Variants in SDCCAG8 observed in about 807,000 individuals in gnomAD.
SDCCAG8 encodes SHH signaling and ciliogenesis regulator SDCCAG8, also known as serologically defined colon cancer antigen 8.
A neutral mutation model predicts 101.8 loss-of-function variants in SDCCAG8; 74 were observed. The observed-to-expected ratio is 0.73, with a 90% CI of 0.60 to 0.88. The LOEUF (loss-of-function observed/expected upper bound fraction) is 0.88. SDCCAG8 is among the 40% of genes least tolerant of loss of function. SDCCAG8 has a pLI of 0.00. For synonymous variants in SDCCAG8, 281 were observed against 292.9 expected, an observed-to-expected ratio of 0.96 and a Z score of 0.41; for missense variants, 787 against 822.6, an observed-to-expected ratio of 0.96 and a Z score of 0.53.
chr1:243,444,509 C>T (rs2148107750), intron 16 of SDCCAG8, among the ~76,000 whole-genome samples: 1 of 152,028 alleles, frequency 6.6e-6, no homozygotes, highest in South Asian at 2.1e-4. Context: ...GTAGCTGGGA[C>T]TACAGGCACA....
Position 243,415,684 on chromosome 1 carries a change from C to T in SDCCAG8, c.1617-18C>T. ...ATCTGCAGATTAAATTTCTGTATGT[C>T]TCCTCTCTGTTTTGCAGACAGGAAA... On this transcript the variant is annotated intron_variant, in intron 13 of 17. Coordinates refer to ENST00000366541, the MANE Select transcript of SDCCAG8 (RefSeq NM_006642.5). 6.2e-7 allele frequency: 1 copy of T among 1,613,604 alleles called. No homozygotes were observed. The highest frequency in any genetic ancestry group is 1.3e-5 in the African/African-American group (1 of 75,008).
In SDCCAG8 at chr1:243,381,359, CAG is replaced by C. The variant is rs1353363257; in HGVS notation, c.1616+2497_1616+2498del. The stretch of plus-strand genomic sequence containing the variant: ...ATTCCAACACTGTGGGAGGCCAAGA[CAG>C]GGGAATCACTTGAGGCTAAGAGTTC... On this transcript the variant is annotated intron_variant, in intron 13 of 17. Transcript: ENST00000366541. Among the ~76,000 whole-genome samples, 4 of 152,092 alleles carry C rather than the reference CAG, an allele frequency of 2.6e-5. No homozygotes were observed. In the South Asian group the frequency reaches 6.2e-4, roughly 24 times the overall value.
chr1:243,351,161 G>C (rs1573495326), intron 12 of SDCCAG8, among the ~76,000 whole-genome samples: 1 of 152,318 alleles, frequency 6.6e-6, no homozygotes, highest in East Asian at 1.9e-4. Context: ...ATGACTGGGA[G>C]AGGGGCCATT....
At chr1:243,482,919 G>A (rs1664036429) in intron 16 of SDCCAG8, among the ~76,000 whole-genome samples, 1 of 152,214 alleles carries the variant, frequency 6.6e-6, no homozygotes, top group East Asian at 1.9e-4. Flanking sequence ...GCCGCATGGA[G>A]GGCGTGTGTG....
intron 16 of SDCCAG8, among the ~76,000 whole-genome samples, chr1:243,456,024 G>T (rs1414279976): frequency 6.6e-6 from 1 of 152,202 alleles, no homozygotes; most frequent in Non-Finnish European, 1.5e-5. Flanking sequence ...GTTGGCGTGG[G>T]CTGATCGCTG....
intron 13 of SDCCAG8, among the ~76,000 whole-genome samples, chr1:243,388,910 G>A (rs923045535): frequency 1.4e-5 from 2 of 146,580 alleles, no homozygotes; most frequent in African/African-American, 5.1e-5. Context: ...GTGGTGGTGC[G>A]TGCCTGAGTC....
chr1:243,298,475 G>A (rs1196640098), intron 6 of SDCCAG8, among the ~76,000 whole-genome samples: 21 of 145,294 alleles, frequency 1.4e-4, no homozygotes, highest in Admixed American at 9.3e-4. Flanking sequence ...CTCCCACCAC[G>A]GCCAGCTAAC....
intron 16 of SDCCAG8, among the ~76,000 whole-genome samples, chr1:243,437,051 G>A (rs1221297202): frequency 6.6e-6 from 1 of 151,962 alleles, no homozygotes; most frequent in Non-Finnish European, 1.5e-5. Context: ...TCTCTCTTTG[G>A]TTTATCTTTT....
chr1:243,257,376 T>C (rs956441348), intron 1 of SDCCAG8, among the ~76,000 whole-genome samples: 5 of 152,090 alleles, frequency 3.3e-5, no homozygotes, highest in Non-Finnish European at 5.9e-5. Context: ...CAGTGCCTCC[T>C]ACTATGTGTT....
At chr1:243,318,220 G>A (rs758715674) in intron 9 of SDCCAG8, among the ~76,000 whole-genome samples, 14 of 152,282 alleles carry the variant, frequency 9.2e-5, no homozygotes, top group African/African-American at 2.2e-4. Flanking sequence ...GCATGGAGCC[G>A]GAGACAGTTA....
intron 6 of SDCCAG8, among the ~76,000 whole-genome samples, chr1:243,295,052 A>C (rs2070731451): frequency 6.6e-6 from 1 of 152,134 alleles, no homozygotes; most frequent in African/African-American, 2.4e-5. Context: ...CTTGGGAAAG[A>C]GTATCCTTCT....
intron 16 of SDCCAG8, chr1:243,476,274 A>C: frequency 2.0e-6 from 2 of 985,474 alleles, no homozygotes; most frequent in South Asian, 4.7e-5. Flanking sequence ...GCTAAATAAA[A>C]AGCTTTCAGC....
At chr1:243,258,109 T>A (rs116232091) in intron 1 of SDCCAG8, among the ~76,000 whole-genome samples, 5,391 of 152,236 alleles carry the variant, frequency 0.035, 230 homozygotes, top group Admixed American at 0.14. Flanking sequence ...GAAATAAAAT[T>A]TAAATTTAGT....
At chr1:243,354,375 A>G (rs1021315287) in intron 12 of SDCCAG8, among the ~76,000 whole-genome samples, 2 of 152,224 alleles carry the variant, frequency 1.3e-5, no homozygotes, top group African/African-American at 4.8e-5. Context: ...ATGAATTTTG[A>G]CTGTCATCTG....
intron 17 of SDCCAG8, among the ~76,000 whole-genome samples, chr1:243,496,487 C>T (rs1452952909): frequency 6.6e-6 from 1 of 152,244 alleles, no homozygotes. Context: ...ACACAAGGAA[C>T]AGGACCACGT....
chr1:243,395,956 T>G (rs1345713715), intron 13 of SDCCAG8, among the ~76,000 whole-genome samples: 1 of 152,134 alleles, frequency 6.6e-6, no homozygotes, highest in Non-Finnish European at 1.5e-5. Flanking sequence ...GATTAAATTT[T>G]GGGATAATCC....
chr1:243,300,053 C>CG (rs1483120569), intron 6 of SDCCAG8, among the ~76,000 whole-genome samples: 3 of 151,818 alleles, frequency 2.0e-5, no homozygotes, highest in East Asian at 3.9e-4. Context: ...GTAGTAGAGA[C>CG]GGGGTTTCAC....
At chr1:243,395,656 A>AT (rs1451201089) in intron 13 of SDCCAG8, among the ~76,000 whole-genome samples, 1 of 152,126 alleles carries the variant, frequency 6.6e-6, no homozygotes, top group African/African-American at 2.4e-5. Flanking sequence ...CAGTACTTAG[A>AT]TTTTAACCTA....
intron 16 of SDCCAG8, among the ~76,000 whole-genome samples, chr1:243,426,834 G>C (rs1376551972): frequency 1.3e-5 from 2 of 152,128 alleles, no homozygotes; most frequent in Admixed American, 1.3e-4. Flanking sequence ...TTTCCTTTAA[G>C]GTGTAAGTTG....
Sources: allele counts gnomAD v4.1 joint callset (sites outside exome capture counted in the v4.1 genomes callset), GRCh38; gene constraint gnomAD v4.1.1; transcripts MANE v1.5; gene names NCBI Gene and HGNC (gene_info 2026-07-23, HGNC 2026-07-21).